MYO18B: variants seen among roughly 807,000 people sequenced by gnomAD.
MYO18B encodes the protein unconventional myosin-XVIIIb.
Under a neutral mutation model 273.0 loss-of-function variants are expected in MYO18B, and 204 were observed. The observed-to-expected ratio is 0.75, with a 90% CI of 0.67 to 0.84. The LOEUF is 0.84. Ranked by LOEUF, MYO18B falls within the 40% of genes least tolerant of loss-of-function variation. The pLI, the probability that MYO18B is intolerant of heterozygous loss-of-function variation, is 0.00. For synonymous variants in MYO18B, 1,330 were observed against 1,305.7 expected, an observed-to-expected ratio of 1.02 and a Z score of -0.40; for missense variants, 3,212 against 3,287.6, an observed-to-expected ratio of 0.98 and a Z score of 0.56.
intron 12 of MYO18B, among the ~76,000 whole-genome samples, chr22:25,814,695 T>C (rs1167348926): frequency 2.0e-5 from 3 of 152,132 alleles, no homozygotes; most frequent in Non-Finnish European, 1.5e-5. Context: ...AGTTCTGGAC[T>C]CATCATTCAG....
rs768048370 is a variant in MYO18B at position 25,769,441 on chromosome 22, C to A, written c.1512+13C>A. 1 of 1,503,164 alleles carries A rather than the reference C, an allele frequency of 6.7e-7. No individual in the cohort carries two copies. Among genetic ancestry groups the A allele is most frequent in the South Asian group, 1.3e-5 (1 of 76,152 alleles). 93.1% of individuals were successfully genotyped at this position (1,503,164 alleles called of 1,614,324 possible). On this transcript the variant is annotated intron_variant, in intron 4 of 43. Coordinates refer to ENST00000335473, the MANE Select transcript of MYO18B (RefSeq NM_032608.7). ...AGACTCAGACCAGGTGAGGGGGCTG[C>A]GGCCCTGGGAGCGGGAAGCGGCAGA...
chr22:25,796,610 AAAAAAT>A (rs1361351154), intron 11 of MYO18B, among the ~76,000 whole-genome samples: 1 of 111,982 alleles, frequency 8.9e-6, no homozygotes, highest in East Asian at 3.1e-4. Context: ...AAAAAAAAAA[AAAAAAT>A]TAGCAGTTTT....
chr22:26,045,918 G>C, the MYO18B span, among the ~76,000 whole-genome samples: 1 of 152,218 alleles, frequency 6.6e-6, no homozygotes, highest in Non-Finnish European at 1.5e-5. Context: ...GTGTTATCGT[G>C]ACAACAGGTA....
rs756667486 is a variant in MYO18B at position 25,890,748 on chromosome 22, C to T, written c.4315-8C>T. The T allele has an allele frequency of 3.7e-6, 6 of 1,613,792 alleles. No homozygotes were observed. Among genetic ancestry groups the T allele is most frequent in the South Asian group, 1.1e-5 (1 of 91,008 alleles). On this transcript the variant is annotated splice_region_variant and splice_polypyrimidine_tract_variant and intron_variant, in intron 25 of 43. Transcript: ENST00000335473. The stretch of plus-strand genomic sequence containing the variant: ...ACCGTTCCTTGATCACCCCATTCCC[C>T]ATCTCAGATTGCTGACTTGACCTCT...
intron 21 of MYO18B, among the ~76,000 whole-genome samples, chr22:25,864,267 T>A (rs569363190): frequency 6.6e-6 from 1 of 152,308 alleles, no homozygotes; most frequent in East Asian, 1.9e-4. Flanking sequence ...CTTGAATAAA[T>A]GCTTCTCATT....
At chr22:26,061,808 G>T in the MYO18B span, among the ~76,000 whole-genome samples, 1 of 151,934 alleles carries the variant, frequency 6.6e-6, no homozygotes, top group Admixed American at 6.6e-5. Flanking sequence ...ACCACAGATT[G>T]TTTGGCTTTG....
chr22:25,957,779 G>A (rs1276899763), intron 39 of MYO18B, among the ~76,000 whole-genome samples: 1 of 152,066 alleles, frequency 6.6e-6, no homozygotes, highest in African/African-American at 2.4e-5. Flanking sequence ...TTTCTTTTCT[G>A]TGTATGTGTG....
At chr22:25,981,624 A>C (rs904863667) in intron 39 of MYO18B, among the ~76,000 whole-genome samples, 2 of 152,232 alleles carry the variant, frequency 1.3e-5, no homozygotes, top group African/African-American at 2.4e-5. Context: ...ACATGCCTGT[A>C]GTCCCAGGTA....
At chr22:25,847,678 C>A (rs766222846) in intron 20 of MYO18B, 26 bp downstream of exon 20, 82 of 1,514,520 alleles carry the variant, frequency 5.4e-5, no homozygotes, top group Admixed American at 3.1e-4. Flanking sequence ...GACACAGCAC[C>A]TTGTCTCTGA....
chr22:25,884,405 G>A (rs547544843), intron 25 of MYO18B, among the ~76,000 whole-genome samples: 5 of 152,224 alleles, frequency 3.3e-5, no homozygotes, highest in African/African-American at 4.8e-5. Context: ...CCTAATCCCC[G>A]GGGGAAATTA....
chr22:25,756,894 C>G (rs1183710703), intron 1 of MYO18B, among the ~76,000 whole-genome samples: 2 of 152,028 alleles, frequency 1.3e-5, no homozygotes, highest in Non-Finnish European at 2.9e-5. Flanking sequence ...AACCCCGTCT[C>G]TACTGAAAAT....
rs867549440 is a variant in MYO18B at position 25,910,816 on chromosome 22, C to G, written c.5260-130C>G. On this transcript the variant is annotated intron_variant, in intron 32 of 43. Coordinates refer to ENST00000335473, the MANE Select transcript of MYO18B (RefSeq NM_032608.7). ...TCCCACAGAGACACTACCACCCAAT[C>G]ACTAGGGCAGCCTCATGGAACAAAG... is the stretch of plus-strand genomic sequence containing the variant. 5.8e-5 allele frequency: 41 copies of G among 701,554 alleles called. No individual in the cohort carries two copies. The African/African-American group carries it at 6.0e-4, about 10-fold the overall frequency. The allele number at this position is 701,554 out of a possible 1,614,324, so 43.5% of individuals were successfully genotyped here.
At chr22:26,007,181 G>C (rs549860680) in intron 42 of MYO18B, among the ~76,000 whole-genome samples, 4 of 152,330 alleles carry the variant, frequency 2.6e-5, no homozygotes, top group South Asian at 4.2e-4. Flanking sequence ...TTTCTTGTCT[G>C]TCTTCCTCAT....
rs116979016 is a variant in MYO18B, at chr22:25,758,351, A to G, written c.-109-2633A>G. On this transcript the variant is annotated intron_variant, in intron 1 of 43. Coordinates refer to ENST00000335473, the MANE Select transcript of MYO18B (RefSeq NM_032608.7). The stretch of plus-strand genomic sequence containing the variant: ...TTTTTTTTGAATTAAACATAAAATT[A>G]TTATACTACCCAGCAGTTTCACTCA... Among the ~76,000 whole-genome samples, 63 of 149,006 alleles carry G rather than the reference A, an allele frequency of 4.2e-4. 1 individual carries two copies. The East Asian group carries it at 0.011, about 26-fold the overall frequency.
intron 42 of MYO18B, among the ~76,000 whole-genome samples, chr22:26,011,587 TTA>T (rs1934927447): frequency 1.3e-5 from 2 of 152,210 alleles, no homozygotes; most frequent in African/African-American, 4.8e-5. Context: ...AGGAAACTTA[TTA>T]AAGTGTTTGG....
chr22:25,925,065 A>C (rs1482753458), intron 34 of MYO18B, among the ~76,000 whole-genome samples: 1 of 152,156 alleles, frequency 6.6e-6, no homozygotes, highest in East Asian at 1.9e-4. Flanking sequence ...CATGTCCTAT[A>C]CCCTTACAAC....
At chr22:25,915,966 T>G (rs2146414860) in intron 33 of MYO18B, among the ~76,000 whole-genome samples, 1 of 152,360 alleles carries the variant, frequency 6.6e-6, no homozygotes, top group Middle Eastern at 3.4e-3. Flanking sequence ...TCTTGCAGAT[T>G]AGATACAATT....
intron 11 of MYO18B, among the ~76,000 whole-genome samples, chr22:25,792,664 T>G (rs1252252876): frequency 6.6e-6 from 1 of 151,944 alleles, no homozygotes; most frequent in African/African-American, 2.4e-5. Flanking sequence ...CCAGCTAATT[T>G]TTTTATTTTT....
chr22:25,962,375 AC>A (rs2092927334), intron 39 of MYO18B, among the ~76,000 whole-genome samples: 1 of 152,146 alleles, frequency 6.6e-6, no homozygotes, highest in Non-Finnish European at 1.5e-5. Flanking sequence ...TCGGGCTGCA[AC>A]CTCCATATCA....
Sources: gnomAD v4.1 joint callset for allele counts (sites outside exome capture counted in the v4.1 genomes callset) on GRCh38, gnomAD v4.1.1 for gene constraint, MANE v1.5 for transcripts, NCBI Gene and HGNC (gene_info 2026-07-23, HGNC 2026-07-21) for gene names.